The following JAK1 variants were observed in gnomAD, a reference collection of about 807,000 sequenced individuals.
The protein encoded by JAK1 is Janus kinase 1.
Under a neutral mutation model 136.6 loss-of-function variants are expected in JAK1, and 16 were observed. The observed-to-expected ratio is 0.12, with a 90% CI of 0.08 to 0.18. The LOEUF (loss-of-function observed/expected upper bound fraction) is 0.18. Ranked by LOEUF, JAK1 falls within the 10% of genes least tolerant of loss-of-function variation. JAK1 has a pLI of 1.00. For synonymous variants in JAK1, 492 were observed against 519.5 expected (o/e 0.95, Z 0.72); for missense variants, 859 against 1,450.1 (o/e 0.59, Z 6.62).
At chr1:64,950,213 T>C (rs1646058683) in intron 1 of JAK1, among the ~76,000 whole-genome samples, 1 of 151,970 alleles carries the variant, frequency 6.6e-6, no homozygotes, top group South Asian at 2.1e-4. Context: ...ATCGAGACCA[T>C]CCTGGCCAAC....
chr1:64,921,137 G>A (rs1161508827), intron 1 of JAK1, among the ~76,000 whole-genome samples: 4 of 152,072 alleles, frequency 2.6e-5, no homozygotes, highest in Non-Finnish European at 5.9e-5. Flanking sequence ...TCACACATCT[G>A]AATATGATGA....
intron 1 of JAK1, among the ~76,000 whole-genome samples, chr1:64,936,072 T>G (rs1645784154): frequency 6.6e-6 from 1 of 152,188 alleles, no homozygotes; most frequent in South Asian, 2.1e-4. Context: ...CAATATGGGA[T>G]CCGGCAGGAA....
chr1:64,833,243 T>C lies in JAK1; in HGVS notation c.*1319A>G, dbSNP rs879290922. ...GCATATGCATGTAAAGTCTTTAGTA[T>C]ATTTATTTGTATAAAGAGTAAACAA... On this transcript the variant is annotated 3_prime_UTR_variant, in exon 25 of 25. Coordinates refer to ENST00000342505, the MANE Select transcript of JAK1 (RefSeq NM_002227.4). 4.4e-6 allele frequency: 1 copy of C among 225,552 alleles called. No individual in the cohort carries two copies. The highest frequency in any genetic ancestry group is 2.2e-5 in the African/African-American group (1 of 44,876). The allele number at this position is 225,552 out of a possible 1,614,324, so 14.0% of individuals were successfully genotyped here.
chr1:64,871,123 A>G (rs310233), intron 5 of JAK1, among the ~76,000 whole-genome samples: 43,526 of 152,126 alleles, frequency 0.29, 6,958 homozygotes, highest in African/African-American at 0.43. Flanking sequence ...AAAAATGGCC[A>G]GTTCATTTTC....
intron 2 of JAK1, chr1:64,974,683 G>C (rs1367904521): frequency 6.6e-6 from 1 of 152,268 alleles, no homozygotes; most frequent in African/African-American, 2.4e-5. Context: ...AGAAAGCGAG[G>C]AAAGCCTCCA....
Position 64,842,638 on chromosome 1 carries a change from C to T in JAK1, c.2404-1037G>A, listed in dbSNP as rs547360970. Among the ~76,000 whole-genome samples, 8 of 152,292 alleles carry T rather than the reference C, an allele frequency of 5.3e-5. No homozygotes were observed. In the East Asian group the frequency reaches 1.5e-3, roughly 29 times the overall value. ...AGAGACCCCTATTTTATTAAAGACACGGGTCCTTCCTTACACCACCCTGTA... is the reference window on the plus strand; with the variant it reads ...AGAGACCCCTATTTTATTAAAGACATGGGTCCTTCCTTACACCACCCTGTA... On this transcript the variant is annotated intron_variant, in intron 17 of 24. Coordinates refer to ENST00000342505, the MANE Select transcript of JAK1 (RefSeq NM_002227.4).
At chr1:64,951,821 G>A (rs1359141443) in intron 1 of JAK1, among the ~76,000 whole-genome samples, 1 of 151,972 alleles carries the variant, frequency 6.6e-6, no homozygotes, top group Non-Finnish European at 1.5e-5. Flanking sequence ...ACCACGCCCA[G>A]CTAATTTTTT....
At chr1:64,852,474 T>C (rs893058055) in intron 11 of JAK1, among the ~76,000 whole-genome samples, 1 of 152,112 alleles carries the variant, frequency 6.6e-6, no homozygotes, top group African/African-American at 2.4e-5. Flanking sequence ...TTTTCCTGAC[T>C]CCACTCTGTT....
At chr1:64,957,486 GCT>G (rs1646208934) in intron 1 of JAK1, among the ~76,000 whole-genome samples, 1 of 152,172 alleles carries the variant, frequency 6.6e-6, no homozygotes. Flanking sequence ...TCTTGGCACA[GCT>G]CTTTCACACT....
chr1:64,871,626 T>A (rs1056063431), intron 5 of JAK1, among the ~76,000 whole-genome samples: 16 of 152,294 alleles, frequency 1.1e-4, no homozygotes, highest in African/African-American at 3.1e-4. Flanking sequence ...CCATCCGACA[T>A]CACCCAAAAC....
rs190267689 is a variant in JAK1 at position 64,847,304 on chromosome 1, G to C, written c.1899+228C>G. Among the ~76,000 whole-genome samples the C allele has an allele frequency of 3.0e-3, 451 of 152,278 alleles. 3 individuals carry two copies. The highest frequency in any genetic ancestry group is 3.5e-3 in the Admixed American group (54 of 15,298). On this transcript the variant is annotated intron_variant, in intron 13 of 24. Transcript: ENST00000342505. Reference sequence around the variant, plus strand: ...TGTCCTTAGGAAAGGTGGGGGTTGGGGGTGGAAGGGAGGGCACAGGCTGAG... The same window carrying C: ...TGTCCTTAGGAAAGGTGGGGGTTGGCGGTGGAAGGGAGGGCACAGGCTGAG...
chr1:64,857,915 G>A (rs1461606466), intron 9 of JAK1, 136 bp from the exon 10 acceptor site: 1 of 1,058,864 alleles, frequency 9.4e-7, no homozygotes, highest in South Asian at 1.5e-5. Context: ...GGATCCTAAA[G>A]TCCCCTCTGA....
intron 7 of JAK1, 62 bp downstream of exon 7, chr1:64,866,804 A>G: frequency 8.0e-7 from 1 of 1,256,734 alleles, no homozygotes; most frequent in Non-Finnish European, 1.1e-6. Flanking sequence ...CCAGAAGGAT[A>G]AACAGCATAC....
At chr1:64,951,544 G>C (rs1166049183) in intron 1 of JAK1, among the ~76,000 whole-genome samples, 1 of 151,070 alleles carries the variant, frequency 6.6e-6, no homozygotes, top group Non-Finnish European at 1.5e-5. Context: ...ATACATTCCA[G>C]AATATGTCGC....
At chr1:64,856,966 T>C (rs949565595) in intron 10 of JAK1, among the ~76,000 whole-genome samples, 10 of 152,270 alleles carry the variant, frequency 6.6e-5, no homozygotes, top group Admixed American at 4.6e-4. Flanking sequence ...TAAAGTGTTT[T>C]GTAAAACTCA....
At chr1:64,968,451 G>C (rs1646418754), upstream of JAK1, among the ~76,000 whole-genome samples, 1 of 152,126 alleles carries the variant, frequency 6.6e-6, no homozygotes. Context: ...TCAAGTAGCC[G>C]ACAGGAGGCA....
chr1:64,927,621 A>T (rs1480920702), intron 1 of JAK1, among the ~76,000 whole-genome samples: 1 of 152,196 alleles, frequency 6.6e-6, no homozygotes, highest in Non-Finnish European at 1.5e-5. Context: ...TAAATGAATG[A>T]ACTATAGAAT....
intron 2 of JAK1, among the ~76,000 whole-genome samples, chr1:64,983,349 C>G: frequency 6.6e-6 from 1 of 152,086 alleles, no homozygotes; most frequent in East Asian, 1.9e-4. Flanking sequence ...TGGTAACAGA[C>G]ATAGACAAGC....
intron 1 of JAK1, among the ~76,000 whole-genome samples, chr1:65,049,004 C>T (rs972970641): frequency 1.3e-5 from 2 of 152,198 alleles, no homozygotes; most frequent in Non-Finnish European, 2.9e-5. Flanking sequence ...CCTAAGGCAA[C>T]GGGATCTATT....
Sources: gnomAD v4.1 joint callset for allele counts (sites outside exome capture counted in the v4.1 genomes callset) on GRCh38, gnomAD v4.1.1 for gene constraint, MANE v1.5 for transcripts, NCBI Gene and HGNC (gene_info 2026-07-23, HGNC 2026-07-21) for gene names.